KIAA1217: variants seen among roughly 807,000 people sequenced by gnomAD.
KIAA1217 encodes KIAA1217, also known as sickle tail protein homolog.
Under a neutral mutation model 163.9 loss-of-function variants are expected in KIAA1217, and 88 were observed. The observed-to-expected ratio is 0.54, with a 90% CI of 0.45 to 0.64. The LOEUF (loss-of-function observed/expected upper bound fraction) is 0.64. Ranked by LOEUF, KIAA1217 falls within the 30% of genes least tolerant of loss-of-function variation. The pLI, the probability that KIAA1217 is intolerant of heterozygous loss-of-function variation, is 0.00. For missense variants in KIAA1217, 2,372 were observed against 2,475.0 expected (o/e 0.96, Z 0.88); for synonymous variants, 903 against 923.1 (o/e 0.98, Z 0.39).
chr10:24,493,516 G>A (rs568454302), intron 6 of KIAA1217, among the ~76,000 whole-genome samples: 56 of 152,282 alleles, frequency 3.7e-4, no homozygotes, highest in African/African-American at 1.0e-3. Flanking sequence ...ATAGTTCTGC[G>A]AAACGTCCAT....
At chr10:24,045,674 T>C (rs1039106418) in intron 2 of KIAA1217, among the ~76,000 whole-genome samples, 3 of 152,298 alleles carry the variant, frequency 2.0e-5, no homozygotes, top group East Asian at 3.9e-4. Context: ...CCAAAACACA[T>C]GGCATTATTT....
At chr10:24,234,090 G>T (rs925640298) in intron 2 of KIAA1217, among the ~76,000 whole-genome samples, 1 of 151,932 alleles carries the variant, frequency 6.6e-6, no homozygotes, top group African/African-American at 2.4e-5. Context: ...CAATGTTTTT[G>T]TATTAATACA....
At chr10:24,422,859 G>GC (rs1229869338) in intron 3 of KIAA1217, among the ~76,000 whole-genome samples, 1 of 66,586 alleles carries the variant, frequency 1.5e-5, no homozygotes, top group Non-Finnish European at 4.3e-5. Context: ...AGGTGGTTAT[G>GC]GGGGGCAAGA....
intron 1 of KIAA1217, among the ~76,000 whole-genome samples, chr10:23,829,034 T>C (rs1387200163): frequency 6.6e-6 from 1 of 152,222 alleles, no homozygotes; most frequent in Non-Finnish European, 1.5e-5. Context: ...CATTGATATA[T>C]GCAAAATCCC....
At chr10:23,727,926 C>T (rs1203603318) in intron 1 of KIAA1217, among the ~76,000 whole-genome samples, 3 of 152,148 alleles carry the variant, frequency 2.0e-5, no homozygotes, top group Non-Finnish European at 4.4e-5. Flanking sequence ...TGTTAGTTTG[C>T]TGAGAATGAT....
intron 5 of KIAA1217, among the ~76,000 whole-genome samples, chr10:24,469,120 T>G (rs1055652026): frequency 3.3e-5 from 5 of 152,032 alleles, no homozygotes; most frequent in Non-Finnish European, 7.4e-5. Flanking sequence ...TTTATTTTAT[T>G]TTATTTTACT....
intron 1 of KIAA1217, among the ~76,000 whole-genome samples, chr10:23,807,865 A>G (rs1056537004): frequency 7.2e-5 from 11 of 152,288 alleles, no homozygotes; most frequent in African/African-American, 2.6e-4. Flanking sequence ...AACTGCTGGC[A>G]ATTGGAGTTT....
At chr10:24,511,441 G>A (rs1368051799) in intron 9 of KIAA1217, among the ~76,000 whole-genome samples, 7 of 152,190 alleles carry the variant, frequency 4.6e-5, no homozygotes, top group East Asian at 3.9e-4. Context: ...TCAGGAGTTC[G>A]AGACCTGCCT....
At chr10:24,251,205 G>A (rs1276772808) in intron 2 of KIAA1217, among the ~76,000 whole-genome samples, 2 of 151,926 alleles carry the variant, frequency 1.3e-5, no homozygotes, top group Non-Finnish European at 2.9e-5. Context: ...CAGCCTGGGC[G>A]ACAGAGTGAG....
At position 24,473,371 on chromosome 10, in the gene KIAA1217, T is replaced by G; in HGVS notation, c.990T>G (p.Ile330Met). The G allele has an allele frequency of 6.2e-7, 1 of 1,609,678 alleles. No individual in the cohort carries two copies. The highest frequency in any genetic ancestry group is 8.5e-7 in the Non-Finnish European group (1 of 1,177,420). The change falls in exon 6 of 21, where the codon ATT (isoleucine) becomes ATG (methionine). Residue 330 changes from isoleucine to methionine, a missense_variant. By Grantham distance (10) the Ile-to-Met change is conservative. Transcript: ENST00000376454. ...CCATGCCCCCCTCCCCGTCCAGAAT[T>G]CCTTATGGGGGCACCCGCTCCATGG... The part of the protein sequence containing the change: ...PHSMPPSPSR[I>M]PYGGTRSMVV...
intron 2 of KIAA1217, among the ~76,000 whole-genome samples, chr10:24,342,171 C>T (rs2047179956): frequency 6.6e-6 from 1 of 152,166 alleles, no homozygotes; most frequent in South Asian, 2.1e-4. Flanking sequence ...GAGCAACAGT[C>T]ACAAACATAA....
chr10:23,799,302 C>G (rs1007636103), intron 1 of KIAA1217, among the ~76,000 whole-genome samples: 6 of 152,090 alleles, frequency 3.9e-5, no homozygotes, highest in Non-Finnish European at 8.8e-5. Context: ...GGAAACTATT[C>G]GACTCCTAAC....
intron 1 of KIAA1217, among the ~76,000 whole-genome samples, chr10:23,737,130 A>G (rs1838851643): frequency 6.6e-6 from 1 of 152,154 alleles, no homozygotes; most frequent in African/African-American, 2.4e-5. Context: ...CTTGCACATC[A>G]TTTGATATAT....
At chr10:24,014,791 A>G (rs573003018) in intron 2 of KIAA1217, among the ~76,000 whole-genome samples, 13 of 152,254 alleles carry the variant, frequency 8.5e-5, no homozygotes, top group Non-Finnish European at 1.3e-4. Flanking sequence ...ATATTTTTCT[A>G]GGAGTTTGAA....
At chr10:24,233,484 G>A (rs569270883) in intron 2 of KIAA1217, among the ~76,000 whole-genome samples, 2 of 152,274 alleles carry the variant, frequency 1.3e-5, no homozygotes, top group African/African-American at 4.8e-5. Flanking sequence ...CACTGCCAAA[G>A]AGATATCTCT....
At chr10:23,699,438 T>C (rs1836275856) in intron 1 of KIAA1217, among the ~76,000 whole-genome samples, 1 of 152,104 alleles carries the variant, frequency 6.6e-6, no homozygotes, top group African/African-American at 2.4e-5. Context: ...ATCTCCTGGG[T>C]GGTATTGGTG....
intron 3 of KIAA1217, among the ~76,000 whole-genome samples, chr10:24,388,789 A>G (rs2054404261): frequency 6.6e-6 from 1 of 151,824 alleles, no homozygotes; most frequent in Non-Finnish European, 1.5e-5. Context: ...TATGCATCCA[A>G]CAGACACATG....
At chr10:24,268,536 A>G (rs997950180) in intron 2 of KIAA1217, among the ~76,000 whole-genome samples, 1 of 147,994 alleles carries the variant, frequency 6.8e-6, no homozygotes, top group East Asian at 2.0e-4. Context: ...TTAGAATGGC[A>G]ATCATTAAAA....
rs184238345 is a variant in KIAA1217, at chr10:23,983,179, C to T, written c.-320-24046C>T. On this transcript the variant is annotated intron_variant, in intron 1 of 18. Transcript: ENST00000376462. ...CTGTTGGTTAAAGTACATCATAGAG[C>T]GAAGCCCAAATTCAGTGGGATGGGA... Among the ~76,000 whole-genome samples, 206 of 152,112 alleles carry T rather than the reference C, an allele frequency of 1.4e-3. 2 individuals are homozygous for T. Among genetic ancestry groups the T allele is most frequent in the Admixed American group, 0.011 (164 of 15,278 alleles).
Sources: allele counts gnomAD v4.1 joint callset (sites outside exome capture counted in the v4.1 genomes callset), GRCh38; gene constraint gnomAD v4.1.1; transcripts MANE v1.5; gene names NCBI Gene and HGNC (gene_info 2026-07-23, HGNC 2026-07-21).